The following CDYL2 variants were observed in gnomAD, a reference collection of about 807,000 sequenced individuals.
CDYL2 encodes chromodomain Y-like protein 2.
In CDYL2, 23 loss-of-function variants were observed where a neutral mutation model predicts 49.4. That is an observed-to-expected ratio of 0.47 (90% CI 0.34 to 0.66). CDYL2 has a LOEUF of 0.66. Ranked by LOEUF, CDYL2 falls within the 30% of genes least tolerant of loss-of-function variation. The pLI, the probability that CDYL2 is intolerant of heterozygous loss-of-function variation, is 0.01. For synonymous variants in CDYL2, 360 were observed against 268.8 expected, an observed-to-expected ratio of 1.34 and a Z score of -3.32; for missense variants, 678 against 656.4, an observed-to-expected ratio of 1.03 and a Z score of -0.36.
chr16:80,659,266 A>G (rs927277578), intron 2 of CDYL2, among the ~76,000 whole-genome samples: 4 of 152,242 alleles, frequency 2.6e-5, no homozygotes, highest in African/African-American at 9.6e-5. Flanking sequence ...ATTAAAAACA[A>G]TGGCAGACTG....
intron 5 of CDYL2, among the ~76,000 whole-genome samples, chr16:80,610,719 C>G (rs1906555638): frequency 6.6e-6 from 1 of 152,194 alleles, no homozygotes; most frequent in Admixed American, 6.5e-5. Flanking sequence ...ATGATGACAG[C>G]ACCAAGCTCC....
intron 2 of CDYL2, among the ~76,000 whole-genome samples, chr16:80,641,399 C>T (rs1307376596): frequency 6.6e-6 from 1 of 152,050 alleles, no homozygotes; most frequent in Non-Finnish European, 1.5e-5. Context: ...TGAAAATCTC[C>T]TTCAAACATG....
chr16:80,636,911 G>A (rs930450302), intron 2 of CDYL2, among the ~76,000 whole-genome samples: 2 of 152,164 alleles, frequency 1.3e-5, no homozygotes, highest in Non-Finnish European at 2.9e-5. Context: ...CAGAGACATG[G>A]ATGAAGCTGG....
chr16:80,677,243 T>C lies in CDYL2; in HGVS notation c.616+7295A>G, dbSNP rs549151438. Among the ~76,000 whole-genome samples, 142 of 151,728 alleles carry C rather than the reference T, an allele frequency of 9.4e-4. 1 individual carries two copies. Among genetic ancestry groups the C allele is most frequent in the African/African-American group, 3.4e-3 (139 of 41,434 alleles). On this transcript the variant is annotated intron_variant, in intron 2 of 6. Coordinates refer to ENST00000570137, the MANE Select transcript of CDYL2 (RefSeq NM_152342.4). ...GCCTCAGCCTCCCAAAGTGCTGGGATTACAGGCATGAGCCACCACTCCTGG... is the reference window on the plus strand; with the variant it reads ...GCCTCAGCCTCCCAAAGTGCTGGGACTACAGGCATGAGCCACCACTCCTGG...
At chr16:80,653,812 A>T (rs971606302) in intron 2 of CDYL2, among the ~76,000 whole-genome samples, 1 of 152,202 alleles carries the variant, frequency 6.6e-6, no homozygotes, top group Non-Finnish European at 1.5e-5. Flanking sequence ...AAGCTTGAGA[A>T]CTTCAACCCA....
chr16:80,630,735 C>T (rs1182496453), intron 3 of CDYL2, among the ~76,000 whole-genome samples: 2 of 152,100 alleles, frequency 1.3e-5, no homozygotes, highest in African/African-American at 2.4e-5. Flanking sequence ...AGCCACAGTG[C>T]TTCCCTCACC....
chr16:80,679,181 G>A (rs1013968841), intron 2 of CDYL2, among the ~76,000 whole-genome samples: 1 of 151,610 alleles, frequency 6.6e-6, no homozygotes, highest in African/African-American at 2.4e-5. Context: ...GTTAGTGGGT[G>A]CATTGTGCCA....
intron 5 of CDYL2, among the ~76,000 whole-genome samples, chr16:80,611,843 T>A (rs1462456194): frequency 1.3e-5 from 2 of 152,224 alleles, no homozygotes; most frequent in African/African-American, 4.8e-5. Flanking sequence ...CTGTCCAGAC[T>A]TGCTTCTGGA....
chr16:80,620,809 A>T lies in CDYL2; in HGVS notation c.961T>A (p.Ser321Thr), dbSNP rs144737101. The T allele has an allele frequency of 9.8e-5, 158 of 1,611,484 alleles. No homozygotes were observed. In the African/African-American group the frequency reaches 1.7e-3, roughly 17 times the overall value. Residue 321 changes from serine to threonine, a missense_variant, in exon 4 of 7, where the codon TCC becomes ACC. Physicochemically the swap from Ser to Thr is moderately conservative, Grantham distance 58. Coordinates refer to ENST00000570137, the MANE Select transcript of CDYL2 (RefSeq NM_152342.4). ...LDYSYLIGRL[S>T]SDRRKESTRI... ...GTGCTCTCCTTTCGCCGGTCGCTGG[A>T]CAACCGGCCAATTAGGTAGGAATAA...
chr16:80,614,774 G>C (rs1422758012), intron 4 of CDYL2, among the ~76,000 whole-genome samples: 1 of 151,568 alleles, frequency 6.6e-6, no homozygotes, highest in Non-Finnish European at 1.5e-5. Context: ...TGAGGCAGGA[G>C]GATTGCATGA....
At chr16:80,748,742 A>G (rs765234686) in intron 1 of CDYL2, among the ~76,000 whole-genome samples, 1 of 151,542 alleles carries the variant, frequency 6.6e-6, no homozygotes, top group Non-Finnish European at 1.5e-5. Context: ...ACCAACAACA[A>G]CCTCATCCTC....
At chr16:80,661,593 T>C (rs1200921419) in intron 2 of CDYL2, among the ~76,000 whole-genome samples, 1 of 152,178 alleles carries the variant, frequency 6.6e-6, no homozygotes, top group Non-Finnish European at 1.5e-5. Flanking sequence ...TTGACCAAGC[T>C]TGATGCTGGA....
At chr16:80,696,386 T>C (rs931766759) in intron 1 of CDYL2, among the ~76,000 whole-genome samples, 1 of 151,658 alleles carries the variant, frequency 6.6e-6, no homozygotes, top group African/African-American at 2.4e-5. Context: ...ATAATAAAGA[T>C]GAGGGCAGAA....
chr16:80,780,642 T>C (rs1422682365), intron 1 of CDYL2, among the ~76,000 whole-genome samples: 1 of 152,030 alleles, frequency 6.6e-6, no homozygotes, highest in East Asian at 1.9e-4. Context: ...CCTGACCTCA[T>C]GATCCACCTG....
At position 80,728,137 on chromosome 16, in the gene CDYL2, C is replaced by G. The variant is rs540725022; in HGVS notation, c.25-43008G>C. Among the ~76,000 whole-genome samples, 1,158 of 152,058 alleles carry G rather than the reference C, an allele frequency of 7.6e-3. 18 individuals are homozygous for G. The highest frequency in any genetic ancestry group is 0.026 in the African/African-American group (1,078 of 41,488). The stretch of plus-strand genomic sequence containing the variant: ...CGAGCTGAGAGAAGAAGGCTTCAGA[C>G]GATCAAACTACAAGCTACAGGAGGA... On this transcript the variant is annotated intron_variant, in intron 1 of 6. Coordinates refer to ENST00000570137, the MANE Select transcript of CDYL2 (RefSeq NM_152342.4).
At position 80,612,611 on chromosome 16, in the gene CDYL2, T is replaced by C. The variant is rs1396635185; in HGVS notation, c.1218+15A>G. ...TCCTGCTGGGACCCGAATCCAGGTA[T>C]CACAGGAGGCTTACCAGCGCGACGC... is the stretch of plus-strand genomic sequence containing the variant. On this transcript the variant is annotated intron_variant, in intron 5 of 6. Transcript: ENST00000570137. This position sits in a 1 kb window ranked among gnomAD's most constrained non-coding sequence, Gnocchi z 5.0. The C allele has an allele frequency of 1.3e-6, 2 of 1,588,164 alleles. No individual in the cohort carries two copies. Among genetic ancestry groups the C allele is most frequent in the Non-Finnish European group, 1.7e-6 (2 of 1,166,764 alleles).
At chr16:80,713,583 T>C (rs1904694359) in intron 1 of CDYL2, among the ~76,000 whole-genome samples, 1 of 152,132 alleles carries the variant, frequency 6.6e-6, no homozygotes, top group South Asian at 2.1e-4. Flanking sequence ...TCTACCATCC[T>C]ATGGCTGGGT....
At chr16:80,639,290 T>A (rs924217436) in intron 2 of CDYL2, among the ~76,000 whole-genome samples, 9 of 152,250 alleles carry the variant, frequency 5.9e-5, no homozygotes, top group Non-Finnish European at 1.0e-4. Flanking sequence ...AAGACAGTTT[T>A]GTCTTTTCTT....
At position 80,684,587 on chromosome 16, in the gene CDYL2, A is replaced by G; in HGVS notation, c.567T>C (p.Asp189=). 6.2e-7 allele frequency: 1 copy of G among 1,614,144 alleles called. No individual in the cohort carries two copies. Among genetic ancestry groups the G allele is most frequent in the Non-Finnish European group, 8.5e-7 (1 of 1,180,014 alleles). ...CGTGATTCACGTCACATTCACCCAT[A>G]TCTTGCTCTCCAACATGATCATTCA... ...LDLNDHVGEQ[D]MGECDVNHAT... Residue 189 remains aspartate, a synonymous_variant, in exon 2 of 7, where the codon GAT becomes GAC. Transcript: ENST00000570137.
Sources: allele counts gnomAD v4.1 joint callset (sites outside exome capture counted in the v4.1 genomes callset), GRCh38; gene constraint gnomAD v4.1.1; non-coding constraint Gnocchi (gnomAD v3.1); transcripts MANE v1.5; gene names NCBI Gene and HGNC (gene_info 2026-07-23, HGNC 2026-07-21).